The following ITPRID2 variants were observed in gnomAD, a reference collection of about 807,000 sequenced individuals.
The protein encoded by ITPRID2 is protein ITPRID2.
Under a neutral mutation model 124.3 loss-of-function variants are expected in ITPRID2, and 60 were observed. The observed-to-expected ratio is 0.48, with a 90% CI of 0.39 to 0.60. The LOEUF (loss-of-function observed/expected upper bound fraction) is 0.60. Among genes scored for constraint, ITPRID2 ranks in the 20% least tolerant of loss-of-function variants. The pLI is 0.00. For missense variants in ITPRID2, 1,553 were observed against 1,512.2 expected, an observed-to-expected ratio of 1.03 and a Z score of -0.45; for synonymous variants, 521 against 542.9, an observed-to-expected ratio of 0.96 and a Z score of 0.56.
chr2:181,909,958 G>A lies in ITPRID2; in HGVS notation c.1473G>A (p.Thr491=), dbSNP rs143398479. 4.4e-5 allele frequency: 71 copies of A among 1,612,780 alleles called. No homozygotes were observed. The Middle Eastern group carries it at 6.6e-4, about 15-fold the overall frequency. Residue 491 remains threonine (T), a synonymous_variant, in exon 9 of 18, where the codon ACG becomes ACA. Coordinates refer to ENST00000431877, the MANE Select transcript of ITPRID2 (RefSeq NM_001130445.3). Reference sequence around the variant, plus strand: ...CAGCCACTTACCAGCTAGGTCTTACGAAGTCGAAAAGAGGTAAGTGGACCA... The same window carrying A: ...CAGCCACTTACCAGCTAGGTCTTACAAAGTCGAAAAGAGGTAAGTGGACCA... The part of the protein sequence containing the change: ...HVPATYQLGL[T]KSKRDHLLRT...
intron 11 of ITPRID2, chr2:181,916,782 C>G (rs908452356): frequency 1.0e-3 from 879 of 839,966 alleles, no homozygotes; most frequent in Non-Finnish European, 1.2e-3. Flanking sequence ...TCTTAAAGTT[C>G]TTTCTCTCTT....
chr2:181,899,995 G>C (rs1692531517), intron 6 of ITPRID2, among the ~76,000 whole-genome samples: 1 of 152,216 alleles, frequency 6.6e-6, no homozygotes, highest in African/African-American at 2.4e-5. Flanking sequence ...ATGTCTCTCT[G>C]TTGAAGTTCC....
At chr2:181,914,844 C>G (rs1693901197) in intron 10 of ITPRID2, among the ~76,000 whole-genome samples, 1 of 152,038 alleles carries the variant, frequency 6.6e-6, no homozygotes, top group Non-Finnish European at 1.5e-5. Context: ...CTTTGAGTTT[C>G]CTTTCAGAAT....
chr2:181,892,236 A>G lies in ITPRID2; in HGVS notation c.170A>G (p.Glu57Gly). 6.5e-7 allele frequency: 1 copy of G among 1,550,342 alleles called. No individual in the cohort carries two copies. The highest frequency in any genetic ancestry group is 8.7e-7 in the Non-Finnish European group (1 of 1,146,830). ...TTQDEEEDEEEDLPGAQLPAA... is the reference protein window; with the variant it reads ...TTQDEEEDEEGDLPGAQLPAA... Reference sequence around the variant, plus strand: ...CAGGACGAGGAGGAGGACGAGGAGGAGGACCTCCCCGGCGCGCAGCTGCCG... The same window carrying G: ...CAGGACGAGGAGGAGGACGAGGAGGGGGACCTCCCCGGCGCGCAGCTGCCG... The change falls in exon 1 of 18, where the codon GAG (glutamate) becomes GGG (glycine). Residue 57 changes from glutamate to glycine, a missense_variant. Physicochemically the swap from Glu to Gly is moderately conservative, Grantham distance 98 (BLOSUM62 -2). Coordinates refer to ENST00000431877, the MANE Select transcript of ITPRID2 (RefSeq NM_001130445.3). This position sits in a 1 kb window ranked among gnomAD's most constrained non-coding sequence, Gnocchi z 5.2.
chr2:181,910,437 G>A lies in ITPRID2; in HGVS notation c.1486+466G>A, dbSNP rs948551069. The A allele has an allele frequency of 3.8e-5, 20 of 532,084 alleles. No individual in the cohort carries two copies. The African/African-American group carries it at 3.8e-4, about 10-fold the overall frequency. 33.0% of individuals were successfully genotyped at this position (532,084 alleles called of 1,614,324 possible). On this transcript the variant is annotated intron_variant, in intron 9 of 17. Coordinates refer to ENST00000431877, the MANE Select transcript of ITPRID2 (RefSeq NM_001130445.3). The surrounding 1 kb of genome is among the most constrained non-coding windows in gnomAD (Gnocchi z 4.1). ...TAAAGCTAGTTAAATTCAAACTATG[G>A]GTCGAAGGTGAGTGGTTGTAGATAC...
intron 4 of ITPRID2, among the ~76,000 whole-genome samples, chr2:181,897,273 A>G (rs1210381868): frequency 6.6e-6 from 1 of 152,032 alleles, no homozygotes; most frequent in Non-Finnish European, 1.5e-5. Context: ...AAGGAAGGAC[A>G]CTTAAATATT....
At position 181,892,675 on chromosome 2, in the gene ITPRID2, G is replaced by A; in HGVS notation, c.257+15G>A. The A allele has an allele frequency of 1.2e-6, 2 of 1,613,900 alleles. No individual in the cohort carries two copies. The highest frequency in any genetic ancestry group is 2.2e-5 in the East Asian group (1 of 44,852). ...AAGGACTGCCGGTGAGTGCTCCCTG[G>A]TCCGCCCGCGTCCCGGGGGAGATCC... On this transcript the variant is annotated intron_variant, in intron 2 of 17. Transcript: ENST00000431877. This position sits in a 1 kb window ranked among gnomAD's most constrained non-coding sequence, Gnocchi z 5.2.
chr2:181,903,406 A>G (rs1692839854), intron 8 of ITPRID2, among the ~76,000 whole-genome samples: 1 of 152,202 alleles, frequency 6.6e-6, no homozygotes, highest in African/African-American at 2.4e-5. Flanking sequence ...TTTTAGTAAT[A>G]GTTCACAGTA....
At chr2:181,924,152 C>G (rs1293359569) in intron 16 of ITPRID2, among the ~76,000 whole-genome samples, 1 of 152,122 alleles carries the variant, frequency 6.6e-6, no homozygotes, top group Admixed American at 6.5e-5. Context: ...TTACTGTCTA[C>G]AAAGGGCCTA....
At position 181,929,744 on chromosome 2, in the gene ITPRID2, T is replaced by C; in HGVS notation, c.*197T>C. The C allele has an allele frequency of 1.2e-6, 1 of 837,752 alleles. No individual in the cohort carries two copies. The highest frequency in any genetic ancestry group is 1.8e-6 in the Non-Finnish European group (1 of 564,450). The allele number at this position is 837,752 out of a possible 1,614,324, so 51.9% of individuals were successfully genotyped here. A position where few individuals can be genotyped will look rare whatever the true frequency, so the allele number is the denominator to read the frequency against. ...ACATAGAAACTTAGGCACTTTGCTA[T>C]TTCTTTTCTAAACTATCAAAAACTC... On this transcript the variant is annotated 3_prime_UTR_variant, in exon 18 of 18. Transcript: ENST00000431877.
chr2:181,918,597 G>A lies in ITPRID2; in HGVS notation c.2788-1G>A. ...TTAATCCTACTTTTACTTTTTTGAA[G>A]TACCCTATGATGAGAGGACCTGATC... On this transcript the variant is annotated splice_acceptor_variant, in intron 11 of 17. Coordinates refer to ENST00000431877, the MANE Select transcript of ITPRID2 (RefSeq NM_001130445.3). LOFTEE classifies it high-confidence loss of function. The A allele has an allele frequency of 6.2e-7, 1 of 1,613,020 alleles. No homozygotes were observed.
Position 181,909,946 on chromosome 2 carries a change from G to C in ITPRID2, c.1461G>C (p.Gln487His). The change falls in exon 9 of 18, where the codon CAG becomes CAC. Residue 487 changes from glutamine to histidine, a missense_variant. Transcript: ENST00000431877. ...GEAPHVPATY[Q>H]LGLTKSKRDH... Reference sequence around the variant, plus strand: ...CTCCTCATGTTCCAGCCACTTACCAGCTAGGTCTTACGAAGTCGAAAAGAG... The same window carrying C: ...CTCCTCATGTTCCAGCCACTTACCACCTAGGTCTTACGAAGTCGAAAAGAG... The C allele has an allele frequency of 6.2e-7, 1 of 1,613,244 alleles. No homozygotes were observed. Among genetic ancestry groups the C allele is most frequent in the Non-Finnish European group, 8.5e-7 (1 of 1,179,376 alleles).
rs936780436 is a variant in ITPRID2 at position 181,892,377 on chromosome 2, C to T, written c.211+100C>T. On this transcript the variant is annotated intron_variant, in intron 1 of 17. Transcript: ENST00000431877. The surrounding 1 kb of genome is among the most constrained non-coding windows in gnomAD (Gnocchi z 5.2). ...ACGAGTTCTGGGAGAGCCTCGGGCA[C>T]GGTAGGCCGAGGGGAGAGGGGACAC... 3.7e-6 allele frequency: 5 copies of T among 1,352,790 alleles called. No individual in the cohort carries two copies. In the African/African-American group the frequency reaches 5.8e-5, roughly 16 times the overall value. 83.8% of individuals were successfully genotyped at this position (1,352,790 alleles called of 1,614,324 possible).
chr2:181,892,434 GCGCCCCCAGCGTCAACACAGA>G lies in ITPRID2; in HGVS notation c.211+159_212-159del, dbSNP rs1691808923. The G allele has an allele frequency of 2.0e-5, 22 of 1,117,698 alleles. No individual in the cohort carries two copies. The South Asian group carries it at 3.3e-4, about 17-fold the overall frequency. 69.2% of individuals were successfully genotyped at this position (1,117,698 alleles called of 1,614,324 possible). A position where few individuals can be genotyped will look rare whatever the true frequency, so the allele number is the denominator to read the frequency against. On this transcript the variant is annotated intron_variant, in intron 1 of 17. Transcript: ENST00000431877. This position sits in a 1 kb window ranked among gnomAD's most constrained non-coding sequence, Gnocchi z 5.2. ...CCTTCAAACGCGCGCGCTGAACGAGGCGCCCCCAGCGTCAACACAGACAACTGGGTGCCATCCGATTTCCCT... is the reference window on the plus strand; with the variant it reads ...CCTTCAAACGCGCGCGCTGAACGAGGCAACTGGGTGCCATCCGATTTCCCT...
intron 16 of ITPRID2, among the ~76,000 whole-genome samples, chr2:181,925,096 G>T (rs1456200059): frequency 3.9e-5 from 6 of 152,108 alleles, no homozygotes; most frequent in Admixed American, 6.5e-5. Context: ...ATGCCTTTTG[G>T]GATCTTTATT....
chr2:181,922,345 C>T lies in ITPRID2; in HGVS notation c.3608C>T (p.Ser1203Leu), dbSNP rs1355561980. ...EVEEGHGKLPSMPAAEEMHKN... is the reference protein window; with the variant it reads ...EVEEGHGKLPLMPAAEEMHKN... ...GAAGAAGGGCATGGAAAACTCCCAT[C>T]AATGCCAGCTGCTGAGGAAATGCAT... is the stretch of plus-strand genomic sequence containing the variant. Residue 1203 changes from serine (S) to leucine (L), a missense_variant, in exon 16 of 18, where the codon TCA becomes TTA. By Grantham distance (145) the Ser-to-Leu change is moderately radical. Coordinates refer to ENST00000431877, the MANE Select transcript of ITPRID2 (RefSeq NM_001130445.3). 3.7e-6 allele frequency: 6 copies of T among 1,614,066 alleles called. No individual in the cohort carries two copies. Among genetic ancestry groups the T allele is most frequent in the South Asian group, 1.1e-5 (1 of 91,082 alleles).
At chr2:181,918,941 A>G in intron 13 of ITPRID2, 59 bp downstream of exon 13, 1 of 1,583,034 alleles carries the variant, frequency 6.3e-7, no homozygotes, top group East Asian at 2.2e-5. Context: ...AGTCTTCTCA[A>G]CTTATATTTT....
At position 181,905,282 on chromosome 2, in the gene ITPRID2, C is replaced by T. The variant is rs1187811299; in HGVS notation, c.1413+2816C>T. Among the ~76,000 whole-genome samples the T allele has an allele frequency of 6.6e-6, 1 of 152,060 alleles. No homozygotes were observed. On this transcript the variant is annotated intron_variant, in intron 8 of 17. Transcript: ENST00000431877. The surrounding 1 kb of genome is among the most constrained non-coding windows in gnomAD (Gnocchi z 4.1). ...GCCAGGCTGGTCTCAAACTCCTGAC[C>T]TCGTGATCTGACCACCTCGGCCTCC...
Position 181,912,294 on chromosome 2 carries a change from T to G in ITPRID2, c.1487-1551T>G, listed in dbSNP as rs112854792. Among the ~76,000 whole-genome samples the G allele has an allele frequency of 3.1e-3, 476 of 152,342 alleles. 1 individual carries two copies. The highest frequency in any genetic ancestry group is 0.011 in the African/African-American group (457 of 41,574). On this transcript the variant is annotated intron_variant, in intron 9 of 17. Transcript: ENST00000431877. ...TTAAAGATATGAAAATACGTAATTA[T>G]AGTGATAACTGCTATAGCATAAGAT...
Sources: gnomAD v4.1 joint callset for allele counts (sites outside exome capture counted in the v4.1 genomes callset) on GRCh38, gnomAD v4.1.1 for gene constraint, Gnocchi (gnomAD v3.1) non-coding constraint, MANE v1.5 for transcripts, NCBI Gene and HGNC (gene_info 2026-07-23, HGNC 2026-07-21) for gene names.